SPIDR: variants seen among roughly 807,000 people sequenced by gnomAD.
SPIDR encodes the protein DNA repair-scaffolding protein.
In SPIDR, 93 loss-of-function variants were observed where a neutral mutation model predicts 104.6. The ratio of observed to expected loss-of-function variants is 0.89; its 90% CI spans 0.75 to 1.06. The LOEUF (loss-of-function observed/expected upper bound fraction) is 1.06. SPIDR is among the 50% of genes least tolerant of loss of function. The pLI, the probability that SPIDR is intolerant of heterozygous loss-of-function variation, is 0.00. For synonymous variants in SPIDR, 431 were observed against 416.9 expected (o/e 1.03, Z -0.41); for missense variants, 1,154 against 1,111.2 (o/e 1.04, Z -0.55).
intron 5 of SPIDR, among the ~76,000 whole-genome samples, chr8:47,375,004 G>C (rs1362708577): frequency 6.6e-6 from 1 of 151,852 alleles, no homozygotes; most frequent in Non-Finnish European, 1.5e-5. Context: ...GCAGTGAGCC[G>C]AGATCGCACC....
chr8:47,348,975 TC>T (rs1402844949), intron 5 of SPIDR, among the ~76,000 whole-genome samples: 2 of 152,238 alleles, frequency 1.3e-5, no homozygotes, highest in Admixed American at 1.3e-4. Flanking sequence ...TCATTCTCCG[TC>T]CAGCTTTATT....
intron 10 of SPIDR, among the ~76,000 whole-genome samples, chr8:47,615,368 T>A (rs912684576): frequency 2.0e-5 from 3 of 152,194 alleles, no homozygotes; most frequent in African/African-American, 7.2e-5. Context: ...AGTTTTAGCC[T>A]GTGTATGCAT....
At position 47,440,549 on chromosome 8, in the gene SPIDR, G is replaced by A. The variant is rs1243101518; in HGVS notation, c.1097+7G>A. On this transcript the variant is annotated splice_region_variant and intron_variant, in intron 8 of 19. Coordinates refer to ENST00000297423, the MANE Select transcript of SPIDR (RefSeq NM_001080394.4). Reference sequence around the variant, plus strand: ...TCCGGATCTTCCCTCCCTGGTGAGTGCGCAGAACTTAATCCAGCAGTCACC... The same window carrying A: ...TCCGGATCTTCCCTCCCTGGTGAGTACGCAGAACTTAATCCAGCAGTCACC... The A allele has an allele frequency of 2.5e-6, 4 of 1,607,518 alleles. No homozygotes were observed. The African/African-American group carries it at 4.0e-5, about 16-fold the overall frequency.
chr8:47,691,846 G>T (rs948759613), intron 11 of SPIDR, among the ~76,000 whole-genome samples: 1 of 152,172 alleles, frequency 6.6e-6, no homozygotes, highest in Non-Finnish European at 1.5e-5. Flanking sequence ...AAAAGGAAGC[G>T]CAACCACTCC....
At chr8:47,456,960 T>C (rs1296846998) in intron 8 of SPIDR, among the ~76,000 whole-genome samples, 2 of 152,226 alleles carry the variant, frequency 1.3e-5, no homozygotes, top group Admixed American at 1.3e-4. Context: ...CTGAGTAGTA[T>C]TCCATGGTGT....
intron 8 of SPIDR, among the ~76,000 whole-genome samples, chr8:47,529,870 A>G (rs2085645224): frequency 6.6e-6 from 1 of 152,236 alleles, no homozygotes; most frequent in African/African-American, 2.4e-5. Context: ...GCATAGTGTT[A>G]TTTAAAAGTG....
At chr8:47,360,148 A>C (rs1470417086) in intron 5 of SPIDR, among the ~76,000 whole-genome samples, 1 of 144,164 alleles carries the variant, frequency 6.9e-6, no homozygotes, top group Non-Finnish European at 1.5e-5. Context: ...AGGCTGAGGC[A>C]GGACAATGGC....
At chr8:47,694,771 T>C (rs918305620) in intron 11 of SPIDR, among the ~76,000 whole-genome samples, 9 of 151,620 alleles carry the variant, frequency 5.9e-5, no homozygotes, top group Non-Finnish European at 8.8e-5. Context: ...ATATTTGGGG[T>C]GTGTGTATGT....
intron 8 of SPIDR, among the ~76,000 whole-genome samples, chr8:47,514,027 A>G (rs1216655709): frequency 6.6e-6 from 1 of 152,198 alleles, no homozygotes; most frequent in East Asian, 1.9e-4. Context: ...ACTTGCATTC[A>G]GGAGAGTGCT....
chr8:47,497,478 G>A (rs544721636), intron 8 of SPIDR, among the ~76,000 whole-genome samples: 2 of 152,254 alleles, frequency 1.3e-5, no homozygotes, highest in Admixed American at 6.5e-5. Context: ...ATTTAGGGGT[G>A]TGTCATTTAA....
At chr8:47,533,128 A>T (rs1283471791) in intron 8 of SPIDR, among the ~76,000 whole-genome samples, 1 of 152,234 alleles carries the variant, frequency 6.6e-6, no homozygotes, top group African/African-American at 2.4e-5. Flanking sequence ...TTGAATGTAC[A>T]CAATAGAAAA....
intron 8 of SPIDR, among the ~76,000 whole-genome samples, chr8:47,566,754 C>G (rs753073736): frequency 1.3e-5 from 2 of 152,068 alleles, no homozygotes; most frequent in Non-Finnish European, 2.9e-5. Flanking sequence ...ACATTAGGCA[C>G]CGAGAAGTAC....
intron 1 of SPIDR, among the ~76,000 whole-genome samples, chr8:47,277,652 T>C (rs891707049): frequency 6.7e-6 from 1 of 148,996 alleles, no homozygotes; most frequent in Admixed American, 6.7e-5. Flanking sequence ...CATTGTGCCC[T>C]ACCCTGTGTT....
At chr8:47,313,483 C>G (rs1288952081) in intron 5 of SPIDR, among the ~76,000 whole-genome samples, 2 of 152,218 alleles carry the variant, frequency 1.3e-5, no homozygotes, top group Admixed American at 6.5e-5. Context: ...AATGGCCATA[C>G]TGCCCAAGGT....
At position 47,673,818 on chromosome 8, in the gene SPIDR, A is replaced by G. The variant is rs2076088984; in HGVS notation, c.1562A>G (p.Gln521Arg). The G allele has an allele frequency of 6.2e-7, 1 of 1,614,172 alleles. No homozygotes were observed. Among genetic ancestry groups the G allele is most frequent in the South Asian group, 1.1e-5 (1 of 91,080 alleles). Residue 521 changes from glutamine (Q) to arginine (R), a missense_variant, in exon 11 of 20, where the codon CAA becomes CGA. Transcript: ENST00000297423. ...PAGTRACLLVQDACGMFGEVH... is the reference protein window; with the variant it reads ...PAGTRACLLVRDACGMFGEVH... ...TTTTACAGAGCCTGCCTTCTGGTACAAGATGCCTGTGGAATGTTCGGTGAA... is the reference window on the plus strand; with the variant it reads ...TTTTACAGAGCCTGCCTTCTGGTACGAGATGCCTGTGGAATGTTCGGTGAA...
At chr8:47,626,812 T>C (rs1360058744) in intron 10 of SPIDR, among the ~76,000 whole-genome samples, 1 of 151,980 alleles carries the variant, frequency 6.6e-6, no homozygotes, top group African/African-American at 2.4e-5. Flanking sequence ...AGTTCAACCA[T>C]TGTGGAAGTC....
intron 5 of SPIDR, among the ~76,000 whole-genome samples, chr8:47,350,008 C>T (rs1188156035): frequency 2.0e-5 from 3 of 152,200 alleles, no homozygotes; most frequent in East Asian, 1.9e-4. Flanking sequence ...GAGATGAACC[C>T]GGTACCTCCT....
chr8:47,490,416 A>G, intron 8 of SPIDR, among the ~76,000 whole-genome samples: 1 of 152,230 alleles, frequency 6.6e-6, no homozygotes, highest in South Asian at 2.1e-4. Context: ...AACTGGTTCA[A>G]CCATTGTGGA....
At chr8:47,623,422 A>G (rs568659656) in intron 10 of SPIDR, among the ~76,000 whole-genome samples, 1 of 152,354 alleles carries the variant, frequency 6.6e-6, no homozygotes, top group African/African-American at 2.4e-5. Flanking sequence ...AAATGCTCCA[A>G]TTAAAAGACA....
Sources: gnomAD v4.1 joint callset for allele counts (sites outside exome capture counted in the v4.1 genomes callset) on GRCh38, gnomAD v4.1.1 for gene constraint, MANE v1.5 for transcripts, NCBI Gene and HGNC (gene_info 2026-07-23, HGNC 2026-07-21) for gene names.